The following DNMT1 variants were observed in gnomAD, a reference collection of about 807,000 sequenced individuals.
The protein encoded by DNMT1 is DNA methyltransferase 1.
In DNMT1, 24 loss-of-function variants were observed where a neutral mutation model predicts 205.3. That is an observed-to-expected ratio of 0.12 (90% CI 0.08 to 0.16). The LOEUF (loss-of-function observed/expected upper bound fraction) is 0.16, where lower values mean the gene tolerates loss of function less well. DNMT1 is among the 10% of genes least tolerant of loss of function. The pLI is 1.00. For synonymous variants in DNMT1, 817 were observed against 839.8 expected (o/e 0.97, Z 0.47); for missense variants, 1,293 against 2,177.7 (o/e 0.59, Z 8.09).
At chr19:10,144,092 G>A in intron 28 of DNMT1, 105 bp from the exon 29 acceptor site, 1 of 1,138,718 alleles carries the variant, frequency 8.8e-7, no homozygotes, top group Non-Finnish European at 1.3e-6. Context: ...AGCACCTGAT[G>A]AATTAAGGTA....
In DNMT1 at chr19:10,140,843, T is replaced by G; in HGVS notation, c.3461A>C (p.Lys1154Thr). ...SEPEIEIKLP[K>T]LRTLDVFSGC... ...AGAAAACACATCCAGGGTCCGCAGC[T>G]TGGGCAGCTTGATCTCTATCTCTGG... The change falls in exon 32 of 41, where the codon AAG becomes ACG. Residue 1154 changes from lysine to threonine, a missense_variant. Coordinates refer to ENST00000359526, the MANE Select transcript of DNMT1 (RefSeq NM_001130823.3). This position sits in a 1 kb window ranked among gnomAD's most constrained non-coding sequence, Gnocchi z 8.4. 6.2e-7 allele frequency: 1 copy of G among 1,614,208 alleles called. No homozygotes were observed. Among genetic ancestry groups the G allele is most frequent in the Non-Finnish European group, 8.5e-7 (1 of 1,180,042 alleles).
Position 10,138,705 on chromosome 19 carries a change from C to G in DNMT1, c.3949-100G>C. ...GGTCAGCAGCCTGAGTCGGGAGTGGCTGGCCAATGCGGAGTGCACTTGCAG... is the reference window on the plus strand; with the variant it reads ...GGTCAGCAGCCTGAGTCGGGAGTGGGTGGCCAATGCGGAGTGCACTTGCAG... On this transcript the variant is annotated intron_variant, in intron 34 of 40. Coordinates refer to ENST00000359526, the MANE Select transcript of DNMT1 (RefSeq NM_001130823.3). This position sits in a 1 kb window ranked among gnomAD's most constrained non-coding sequence, Gnocchi z 4.1. 3 of 1,458,088 alleles carry G rather than the reference C, an allele frequency of 2.1e-6. No homozygotes were observed. In the Admixed American group the frequency reaches 6.2e-5, roughly 30 times the overall value. 90.3% of individuals were successfully genotyped at this position (1,458,088 alleles called of 1,614,324 possible).
rs1296808828 is a variant in DNMT1 at position 10,139,801 on chromosome 19, G to A, written c.3823C>T (p.Arg1275Trp). Residue 1275 changes from arginine (R) to tryptophan (W), a missense_variant, in exon 34 of 41, where the codon CGG becomes TGG. Coordinates refer to ENST00000359526, the MANE Select transcript of DNMT1 (RefSeq NM_001130823.3). ...TTCTCCAGGAGGAAGAACCGGGGCC[G>A]GTAGTAGTCGCAGTAGCTGTAGGGG... ...VSFLSYCDYY[R>W]PRFFLLENVR... 1.3e-6 allele frequency: 2 copies of A among 1,585,938 alleles called. No homozygotes were observed. Among genetic ancestry groups the A allele is most frequent in the Non-Finnish European group, 1.7e-6 (2 of 1,166,274 alleles).
At chr19:10,136,768 T>C (rs1475070230) in intron 37 of DNMT1, among the ~76,000 whole-genome samples, 1 of 151,314 alleles carries the variant, frequency 6.6e-6, no homozygotes, top group African/African-American at 2.4e-5. Context: ...TTTTTTTTTT[T>C]TCTTTTTAGA....
intron 30 of DNMT1, chr19:10,141,436 A>T: frequency 2.0e-6 from 1 of 511,300 alleles, no homozygotes; most frequent in East Asian, 3.5e-5. Flanking sequence ...AGTACCTTCT[A>T]GAACAGGAAA....
Position 10,138,158 on chromosome 19 carries a change from CA to C in DNMT1, c.4116-150del. On this transcript the variant is annotated intron_variant, in intron 35 of 40. Transcript: ENST00000359526. The surrounding 1 kb of genome is among the most constrained non-coding windows in gnomAD (Gnocchi z 4.1). ...CATGGGTGGCAGTGTGCCTGGATGC[CA>C]TCTGGAAGGGGGGATGGGGCTATGG... 1 of 1,138,720 alleles carries C rather than the reference CA, an allele frequency of 8.8e-7. No homozygotes were observed. Among genetic ancestry groups the C allele is most frequent in the East Asian group, 2.6e-5 (1 of 38,972 alleles). The allele number at this position is 1,138,720 out of a possible 1,614,324, so 70.5% of individuals were successfully genotyped here. A position where few individuals can be genotyped will look rare whatever the true frequency, so the allele number is the denominator to read the frequency against.
At chr19:10,181,233 G>A (rs182096672) in intron 2 of DNMT1, among the ~76,000 whole-genome samples, 1 of 151,978 alleles carries the variant, frequency 6.6e-6, no homozygotes. Flanking sequence ...ATTGCTTTGA[G>A]CCCCAGAGTT....
intron 1 of DNMT1, among the ~76,000 whole-genome samples, chr19:10,193,061 A>T (rs1316141400): frequency 2.6e-5 from 4 of 152,120 alleles, no homozygotes; most frequent in African/African-American, 9.7e-5. Flanking sequence ...AAACAAACAA[A>T]AAAAAGTAGT....
At chr19:10,171,562 T>G (rs2038815030) in intron 9 of DNMT1, among the ~76,000 whole-genome samples, 1 of 151,964 alleles carries the variant, frequency 6.6e-6, no homozygotes, top group Non-Finnish European at 1.5e-5. Flanking sequence ...TCCCAGCACT[T>G]TGGGAGGCCG....
At position 10,151,258 on chromosome 19, in the gene DNMT1, C is replaced by A; in HGVS notation, c.2265+140G>T. ...TGGAACATGGTCTCTTGGCCAGTCC[C>A]GCTCTTCTCAGGGGCAAACAGACAG... On this transcript the variant is annotated intron_variant, in intron 24 of 40. Transcript: ENST00000359526. The surrounding 1 kb of genome is among the most constrained non-coding windows in gnomAD (Gnocchi z 5.0). The A allele has an allele frequency of 7.7e-7, 1 of 1,296,490 alleles. No individual in the cohort carries two copies. The highest frequency in any genetic ancestry group is 1.2e-5 in the South Asian group (1 of 82,432). The allele number at this position is 1,296,490 out of a possible 1,614,324, so 80.3% of individuals were successfully genotyped here.
rs117068853 is a variant in DNMT1 at position 10,183,202 on chromosome 19, G to A, written c.81-1125C>T. 0.026 allele frequency among the ~76,000 whole-genome samples: 3,829 copies of A among 149,318 alleles called. 418 individuals carry two copies. The East Asian group carries it at 0.33, about 13-fold the overall frequency. On this transcript the variant is annotated intron_variant, in intron 1 of 40. Coordinates refer to ENST00000359526, the MANE Select transcript of DNMT1 (RefSeq NM_001130823.3). ...ATGGTGTGATCTCAGCTCAACCTCC[G>A]ACTCCCAGGTTCAAGCGATTCTCCT...
Position 10,137,946 on chromosome 19 carries a change from C to T in DNMT1, c.4179G>A (p.Val1393=). ...VRDTMSDLPE[V]RNGASALEIS... ...TCTCCAGTGCCGAGGCTCCATTCCGCACCTCCGGCAGGTCGGACATCGTGT... is the reference window on the plus strand; with the variant it reads ...TCTCCAGTGCCGAGGCTCCATTCCGTACCTCCGGCAGGTCGGACATCGTGT... Residue 1393 remains valine, a synonymous_variant, in exon 36 of 41, where the codon GTG becomes GTA. Transcript: ENST00000359526. The surrounding 1 kb of genome is among the most constrained non-coding windows in gnomAD (Gnocchi z 6.4). 6 of 1,612,068 alleles carry T rather than the reference C, an allele frequency of 3.7e-6. No homozygotes were observed. The highest frequency in any genetic ancestry group is 5.1e-6 in the Non-Finnish European group (6 of 1,179,354).
intron 39 of DNMT1, 117 bp from the exon 40 acceptor site, chr19:10,134,424 G>T (rs2089436900): frequency 1.1e-6 from 1 of 933,966 alleles, no homozygotes; most frequent in African/African-American, 1.6e-5. Flanking sequence ...CACCCCTTGG[G>T]GAAGGGTTCT....
intron 9 of DNMT1, 151 bp from the exon 10 acceptor site, chr19:10,168,515 CCTG>C: frequency 1.3e-6 from 1 of 749,182 alleles, no homozygotes; most frequent in East Asian, 2.7e-5. Context: ...GTAGCTCATG[CCTG>C]TAATCTCAGA....
intron 6 of DNMT1, among the ~76,000 whole-genome samples, 199 bp from the exon 7 acceptor site, chr19:10,175,817 G>A (rs879751620): frequency 1.3e-5 from 2 of 152,188 alleles, no homozygotes; most frequent in Non-Finnish European, 2.9e-5. Context: ...ACAGCTGCTA[G>A]TGTCAGAGAA....
chr19:10,158,736 C>CCCTG (rs2038507407), intron 17 of DNMT1, among the ~76,000 whole-genome samples: 1 of 152,138 alleles, frequency 6.6e-6, no homozygotes, highest in Admixed American at 6.5e-5. Flanking sequence ...GCCTGCAAGG[C>CCCTG]CCTGTGTGGC....
At position 10,133,682 on chromosome 19, in the gene DNMT1, T is replaced by A. The variant is rs370070174; in HGVS notation, c.4884A>T (p.Glu1628Asp). ...ESASAKIKEE[E>D]AAKD ...GAGGGCAGAACTAGTCCTTAGCAGCTTCCTCCTCCTTTATTTTAGCTGAAG... is the reference window on the plus strand; with the variant it reads ...GAGGGCAGAACTAGTCCTTAGCAGCATCCTCCTCCTTTATTTTAGCTGAAG... The change falls in exon 41 of 41, where the codon GAA (glutamate) becomes GAT (aspartate). Residue 1628 changes from glutamate to aspartate, a missense_variant. Glu to Asp is a conservative substitution (Grantham distance 45). Transcript: ENST00000359526. This position sits in a 1 kb window ranked among gnomAD's most constrained non-coding sequence, Gnocchi z 4.1. 2.6e-5 allele frequency: 41 copies of A among 1,597,334 alleles called. No homozygotes were observed. Among genetic ancestry groups the A allele is most frequent in the Non-Finnish European group, 3.2e-5 (37 of 1,171,044 alleles).
intron 1 of DNMT1, among the ~76,000 whole-genome samples, chr19:10,182,734 A>C (rs2039095480): frequency 1.3e-5 from 2 of 151,620 alleles, no homozygotes; most frequent in South Asian, 4.2e-4. Context: ...CAGTGGTGCG[A>C]TCTCAGCTCA....
At chr19:10,166,708 C>T (rs745369781) in intron 10 of DNMT1, 23 bp from the exon 11 acceptor site, 2 of 1,613,950 alleles carry the variant, frequency 1.2e-6, no homozygotes, top group Non-Finnish European at 1.7e-6. Context: ...ACAACACACA[C>T]ACAGGCTGGT....
Sources: allele counts gnomAD v4.1 joint callset (sites outside exome capture counted in the v4.1 genomes callset), GRCh38; gene constraint gnomAD v4.1.1; non-coding constraint Gnocchi (gnomAD v3.1); transcripts MANE v1.5; gene names NCBI Gene and HGNC (gene_info 2026-07-23, HGNC 2026-07-21).